The following KIF26B variants were observed in gnomAD, a reference collection of about 807,000 sequenced individuals.
The protein encoded by KIF26B is kinesin-like protein KIF26B.
In KIF26B, 63 loss-of-function variants were observed where a neutral mutation model predicts 151.2. That is an observed-to-expected ratio of 0.42 (90% CI 0.34 to 0.51). The LOEUF (loss-of-function observed/expected upper bound fraction) is 0.51. Among genes scored for constraint, KIF26B ranks in the 20% least tolerant of loss-of-function variants. KIF26B has a pLI of 0.07. For missense variants in KIF26B, 2,813 were observed against 2,913.6 expected (o/e 0.97, Z 0.79); for synonymous variants, 1,357 against 1,262.1 (o/e 1.08, Z -1.59).
intron 2 of KIF26B, among the ~76,000 whole-genome samples, chr1:245,279,011 A>G (rs72779274): frequency 0.042 from 6,385 of 152,228 alleles, 172 homozygotes; most frequent in African/African-American, 0.066. Context: ...CAGCTTTCAC[A>G]CAACGTGTCT....
chr1:245,413,201 G>A (rs116693113), intron 3 of KIF26B, among the ~76,000 whole-genome samples: 100 of 152,340 alleles, frequency 6.6e-4, no homozygotes, highest in African/African-American at 2.3e-3. Flanking sequence ...ACACATACAC[G>A]TAACGAAGAT....
intron 5 of KIF26B, among the ~76,000 whole-genome samples, chr1:245,589,960 T>G (rs546209051): frequency 6.6e-6 from 1 of 152,340 alleles, no homozygotes; most frequent in South Asian, 2.1e-4. Flanking sequence ...CCTGTTGTTC[T>G]CCAAGCCAAA....
chr1:245,605,885 G>A (rs1186167739), intron 6 of KIF26B, among the ~76,000 whole-genome samples: 4 of 152,114 alleles, frequency 2.6e-5, no homozygotes, highest in South Asian at 2.1e-4. Flanking sequence ...ACTCAGTGTG[G>A]TCCACACACA....
At chr1:245,645,405 G>A (rs1033186988) in intron 9 of KIF26B, among the ~76,000 whole-genome samples, 7 of 152,222 alleles carry the variant, frequency 4.6e-5, no homozygotes, top group African/African-American at 1.7e-4. Flanking sequence ...ACTCTGTCTT[G>A]TAAATTGTTG....
intron 4 of KIF26B, among the ~76,000 whole-genome samples, chr1:245,443,430 C>CTAGAG (rs760824717): frequency 1.2e-4 from 10 of 83,638 alleles, no homozygotes; most frequent in South Asian, 5.4e-4. Context: ...CACTGTTCAC[C>CTAGAG]CTGCGGTCAT....
rs1397435947 is a variant in KIF26B at position 245,601,886 on chromosome 1, A to C, written c.1351-691A>C. ...GGGCTGGGTTGGTGGTGGGTACCAG[A>C]GGTGCTCAGTGTTCAATCACGCAGA... On this transcript the variant is annotated intron_variant, in intron 5 of 14. Transcript: ENST00000407071. This position sits in a 1 kb window ranked among gnomAD's most constrained non-coding sequence, Gnocchi z 4.4. Among the ~76,000 whole-genome samples the C allele has an allele frequency of 6.6e-6, 1 of 152,138 alleles. No homozygotes were observed. The highest frequency in any genetic ancestry group is 1.5e-5 in the Non-Finnish European group (1 of 68,038).
At chr1:245,267,860 G>A (rs1290060069) in intron 2 of KIF26B, among the ~76,000 whole-genome samples, 1 of 152,158 alleles carries the variant, frequency 6.6e-6, no homozygotes, top group African/African-American at 2.4e-5. Flanking sequence ...TTTTTAGGGA[G>A]CTTTAAAGAA....
chr1:245,294,244 A>G (rs886449565), intron 2 of KIF26B, among the ~76,000 whole-genome samples: 47 of 152,130 alleles, frequency 3.1e-4, no homozygotes, highest in Non-Finnish European at 7.4e-5. Context: ...CCTCCAAGTC[A>G]TAAAGTGAGA....
chr1:245,307,901 C>T (rs12121683), intron 2 of KIF26B, among the ~76,000 whole-genome samples: 29,875 of 152,106 alleles, frequency 0.2, 3,111 homozygotes, highest in East Asian at 0.42. Context: ...CCACCACGCC[C>T]GGCTAATTTT....
Position 245,685,846 on chromosome 1 carries a change from G to T in KIF26B, c.2863G>T (p.Gly955Trp). 1 of 1,612,712 alleles carries T rather than the reference G, an allele frequency of 6.2e-7. No individual in the cohort carries two copies. The highest frequency in any genetic ancestry group is 8.5e-7 in the Non-Finnish European group (1 of 1,179,774). Reference protein sequence around the residue: ...FPFEELPAQFGPEQASRGPRL... With the variant: ...FPFEELPAQFWPEQASRGPRL... ...TTTCGAAGAACTGCCTGCTCAGTTT[G>T]GGCCAGAGCAGGCAAGCAGAGGCCC... The change falls in exon 12 of 15, where the codon GGG becomes TGG. Residue 955 changes from glycine to tryptophan, a missense_variant. By Grantham distance (184) the Gly-to-Trp change is radical. Coordinates refer to ENST00000407071, the MANE Select transcript of KIF26B (RefSeq NM_018012.4).
At chr1:245,661,377 T>C (rs1237030948) in intron 10 of KIF26B, among the ~76,000 whole-genome samples, 1 of 152,016 alleles carries the variant, frequency 6.6e-6, no homozygotes, top group Non-Finnish European at 1.5e-5. Flanking sequence ...TTGAGCCTTT[T>C]AAGCCTTGCA....
chr1:245,262,102 T>A (rs1269716855), intron 2 of KIF26B, among the ~76,000 whole-genome samples: 2 of 152,152 alleles, frequency 1.3e-5, no homozygotes, highest in African/African-American at 4.8e-5. Context: ...GACACACAGA[T>A]CGGGCATGTC....
chr1:245,462,985 A>G (rs757884008), intron 4 of KIF26B, among the ~76,000 whole-genome samples: 1 of 152,224 alleles, frequency 6.6e-6, no homozygotes, highest in Non-Finnish European at 1.5e-5. Flanking sequence ...ATGCACACAC[A>G]GAAATTTGGC....
intron 7 of KIF26B, among the ~76,000 whole-genome samples, chr1:245,608,992 AATCCTCCC>A (rs1361025006): frequency 2.0e-5 from 3 of 152,074 alleles, no homozygotes; most frequent in African/African-American, 7.2e-5. Flanking sequence ...GGCCTCAAGC[AATCCTCCC>A]ATCTTGGCCC....
At chr1:245,265,074 C>T (rs548930583) in intron 2 of KIF26B, among the ~76,000 whole-genome samples, 8 of 151,680 alleles carry the variant, frequency 5.3e-5, no homozygotes, top group African/African-American at 1.7e-4. Flanking sequence ...TGGTGGCTGG[C>T]GCCTGTAGTC....
At chr1:245,542,533 T>C (rs760566391) in intron 5 of KIF26B, among the ~76,000 whole-genome samples, 35 of 152,284 alleles carry the variant, frequency 2.3e-4, no homozygotes, top group Admixed American at 4.6e-4. Context: ...TGCCCCAGCA[T>C]CACTGGACAT....
chr1:245,692,935 C>T (rs958383603), intron 12 of KIF26B, among the ~76,000 whole-genome samples: 11 of 152,104 alleles, frequency 7.2e-5, no homozygotes, highest in African/African-American at 2.7e-4. Flanking sequence ...CTGGCCAGTG[C>T]ACATATCAGC....
chr1:245,682,787 G>A (rs1187757483), intron 10 of KIF26B, among the ~76,000 whole-genome samples: 2 of 152,258 alleles, frequency 1.3e-5, no homozygotes, highest in Non-Finnish European at 2.9e-5. Context: ...GACGCATCCA[G>A]GTGCAACGTC....
At chr1:245,464,619 GGT>G (rs909351340) in intron 4 of KIF26B, among the ~76,000 whole-genome samples, 2 of 140,594 alleles carry the variant, frequency 1.4e-5, no homozygotes, top group East Asian at 2.1e-4. Flanking sequence ...TGGGTGTGTG[GGT>G]GTGTGCATGT....
Sources: gnomAD v4.1 joint callset for allele counts (sites outside exome capture counted in the v4.1 genomes callset) on GRCh38, gnomAD v4.1.1 for gene constraint, Gnocchi (gnomAD v3.1) non-coding constraint, MANE v1.5 for transcripts, NCBI Gene and HGNC (gene_info 2026-07-23, HGNC 2026-07-21) for gene names.